Variants in KCNH1 observed in about 807,000 individuals in gnomAD.
KCNH1 encodes voltage-gated delayed rectifier potassium channel KCNH1.
A neutral mutation model predicts 69.2 loss-of-function variants in KCNH1; 27 were observed. That is an observed-to-expected ratio of 0.39 (90% CI 0.29 to 0.54). The LOEUF is 0.54. Among genes scored for constraint, KCNH1 ranks in the 20% least tolerant of loss-of-function variants. The pLI is 0.68. For synonymous variants in KCNH1, 456 were observed against 487.7 expected, an observed-to-expected ratio of 0.93 and a Z score of 0.86; for missense variants, 798 against 1,261.6, an observed-to-expected ratio of 0.63 and a Z score of 5.57.
At chr1:211,043,081 CA>C (rs1690028142) in intron 5 of KCNH1, among the ~76,000 whole-genome samples, 1 of 152,020 alleles carries the variant, frequency 6.6e-6, no homozygotes, top group Non-Finnish European at 1.5e-5. Context: ...AACCCAAACC[CA>C]GCAGAAGAAG....
intron 10 of KCNH1, among the ~76,000 whole-genome samples, chr1:210,690,314 A>G (rs1681501959): frequency 6.6e-6 from 1 of 152,198 alleles, no homozygotes; most frequent in Admixed American, 6.5e-5. Flanking sequence ...CAGGGTGCAC[A>G]CACTGTATAG....
chr1:210,941,558 A>G (rs1423442350), intron 6 of KCNH1, among the ~76,000 whole-genome samples: 1 of 152,152 alleles, frequency 6.6e-6, no homozygotes, highest in Non-Finnish European at 1.5e-5. Context: ...GATTCCCAAT[A>G]CTCAGGGACT....
intron 7 of KCNH1, among the ~76,000 whole-genome samples, chr1:210,916,234 A>T (rs1299091562): frequency 1.3e-5 from 2 of 152,230 alleles, no homozygotes; most frequent in Non-Finnish European, 2.9e-5. Flanking sequence ...TGTCCTGAAC[A>T]AACATTGTTT....
chr1:211,096,411 G>A (rs1691155956), intron 3 of KCNH1, among the ~76,000 whole-genome samples: 1 of 152,034 alleles, frequency 6.6e-6, no homozygotes, highest in Non-Finnish European at 1.5e-5. Flanking sequence ...TTTCTCACCT[G>A]TAAGATGGAA....
chr1:210,824,343 T>C lies in KCNH1; in HGVS notation c.1463-20177A>G, dbSNP rs559615702. On this transcript the variant is annotated intron_variant, in intron 7 of 10. Coordinates refer to ENST00000271751, the MANE Select transcript of KCNH1 (RefSeq NM_172362.3). ...CTACATAAGATTATGTCTACAGATA[T>C]ATATCTATTGATATTTGTAATATTA... 1.9e-3 allele frequency among the ~76,000 whole-genome samples: 283 copies of C among 151,472 alleles called. 3 individuals are homozygous for C. Among genetic ancestry groups the C allele is most frequent in the African/African-American group, 6.8e-3 (282 of 41,282 alleles).
intron 6 of KCNH1, among the ~76,000 whole-genome samples, chr1:210,978,755 C>T (rs1688660033): frequency 6.6e-6 from 1 of 152,148 alleles, no homozygotes; most frequent in Admixed American, 6.5e-5. Context: ...CATAGGTTGG[C>T]AGTCAGTCAA....
At chr1:210,822,730 C>T (rs1057031518) in intron 7 of KCNH1, among the ~76,000 whole-genome samples, 10 of 152,100 alleles carry the variant, frequency 6.6e-5, no homozygotes, top group Admixed American at 5.9e-4. Flanking sequence ...CTCTCATCTG[C>T]CCATTTCTCT....
At chr1:211,057,719 C>G (rs1031037043) in intron 5 of KCNH1, among the ~76,000 whole-genome samples, 5 of 151,280 alleles carry the variant, frequency 3.3e-5, no homozygotes, top group African/African-American at 9.7e-5. Context: ...GAGAGAGAGA[C>G]AGACACGAAC....
chr1:211,122,004 G>A (rs1691694895), intron 1 of KCNH1, among the ~76,000 whole-genome samples: 1 of 152,068 alleles, frequency 6.6e-6, no homozygotes, highest in African/African-American at 2.4e-5. Flanking sequence ...TGGACACGGT[G>A]GCGGGCACTT....
At chr1:210,861,560 A>C (rs954031596) in intron 7 of KCNH1, 1 of 772,358 alleles carries the variant, frequency 1.3e-6, no homozygotes, top group African/African-American at 1.7e-5. Flanking sequence ...TTCAGTCTTT[A>C]AAATTTCTAC....
intron 7 of KCNH1, among the ~76,000 whole-genome samples, chr1:210,805,366 T>C (rs1445015508): frequency 6.6e-6 from 1 of 152,192 alleles, no homozygotes; most frequent in Non-Finnish European, 1.5e-5. Flanking sequence ...TTTTGACATA[T>C]ATACACCAAT....
chr1:211,006,961 GA>G (rs947037462), intron 6 of KCNH1, among the ~76,000 whole-genome samples: 3 of 150,818 alleles, frequency 2.0e-5, no homozygotes, highest in Non-Finnish European at 3.0e-5. Flanking sequence ...TATATATGAA[GA>G]AAAAAAAGAC....
intron 6 of KCNH1, among the ~76,000 whole-genome samples, chr1:210,957,295 C>CTG (rs1366395324): frequency 1.3e-5 from 2 of 152,126 alleles, no homozygotes; most frequent in Non-Finnish European, 2.9e-5. Context: ...GTTGTGATTT[C>CTG]TGTTCTTCTA....
At chr1:210,856,973 T>G (rs1685862997) in intron 7 of KCNH1, among the ~76,000 whole-genome samples, 1 of 148,074 alleles carries the variant, frequency 6.8e-6, no homozygotes, top group African/African-American at 2.5e-5. Flanking sequence ...AATCTAAACT[T>G]TTTAATAGCA....
intron 7 of KCNH1, among the ~76,000 whole-genome samples, chr1:210,907,430 G>A (rs1687124210): frequency 1.3e-5 from 2 of 152,034 alleles, no homozygotes; most frequent in Admixed American, 1.3e-4. Flanking sequence ...ATTGGTATCG[G>A]GTGAGATTCT....
chr1:211,095,811 C>T (rs2102477382), intron 3 of KCNH1, among the ~76,000 whole-genome samples: 1 of 152,252 alleles, frequency 6.6e-6, no homozygotes, highest in East Asian at 1.9e-4. Flanking sequence ...ATGACAAGTA[C>T]AGAGAGGATG....
intron 10 of KCNH1, among the ~76,000 whole-genome samples, chr1:210,714,265 A>G (rs1374606289): frequency 6.6e-6 from 1 of 152,238 alleles, no homozygotes; most frequent in Non-Finnish European, 1.5e-5. Context: ...AACAGCTGTC[A>G]GTAAGGGGAG....
At position 210,804,126 on chromosome 1, in the gene KCNH1, A is replaced by G; in HGVS notation, c.1503T>C (p.Ile501=). The G allele has an allele frequency of 6.2e-7, 1 of 1,614,088 alleles. No individual in the cohort carries two copies. The highest frequency in any genetic ancestry group is 1.7e-5 in the Admixed American group (1 of 60,008). The part of the protein sequence containing the change: ...YATIFGNVTT[I]FQQMYANTNR... ...TGGTGTTGGCATACATCTGTTGGAA[A>G]ATAGTCGTCACATTCCCGAAGATGG... is the stretch of plus-strand genomic sequence containing the variant. The change falls in exon 8 of 11, where the codon ATT becomes ATC. Residue 501 remains isoleucine (I), a synonymous_variant. Coordinates refer to ENST00000271751, the MANE Select transcript of KCNH1 (RefSeq NM_172362.3).
At chr1:210,696,525 G>A (rs1033275477) in intron 10 of KCNH1, among the ~76,000 whole-genome samples, 2 of 152,136 alleles carry the variant, frequency 1.3e-5, no homozygotes, top group Admixed American at 6.5e-5. Flanking sequence ...GCCTAGCAAG[G>A]GGGTAGATGC....
Sources: gnomAD v4.1 joint callset for allele counts (sites outside exome capture counted in the v4.1 genomes callset) on GRCh38, gnomAD v4.1.1 for gene constraint, MANE v1.5 for transcripts, NCBI Gene and HGNC (gene_info 2026-07-23, HGNC 2026-07-21) for gene names.